SRGAP2C: variants seen among roughly 807,000 people sequenced by gnomAD.
SRGAP2C encodes SLIT-ROBO Rho GTPase activating protein 2C.
A neutral mutation model predicts 25.1 loss-of-function variants in SRGAP2C; 15 were observed. The observed-to-expected ratio is 0.60, with a 90% confidence interval of 0.40 to 0.92. The LOEUF (loss-of-function observed/expected upper bound fraction) is 0.92, where lower values mean the gene tolerates loss of function less well. Ranked by LOEUF, SRGAP2C falls within the 40% of genes least tolerant of loss-of-function variation. The pLI, the probability that SRGAP2C is intolerant of heterozygous loss-of-function variation, is 0.00. For missense variants in SRGAP2C, 144 were observed against 264.4 expected (o/e 0.54, Z 3.16); for synonymous variants, 44 against 96.6 (o/e 0.46, Z 3.19).
chr1:121,203,281 C>CT lies in SRGAP2C; in HGVS notation c.67+15769dup, dbSNP rs587653710. On this transcript the variant is annotated intron_variant, in intron 2 of 9. Coordinates refer to ENST00000367123, the MANE Select transcript of SRGAP2C (RefSeq NM_001329984.2). ...GAAGGCTATGTGGATAAGGAATAGT[C>CT]TAACAGTGAGTAATGCTGATGAGAC... Among the ~76,000 whole-genome samples, 8 of 152,090 alleles carry CT rather than the reference C, an allele frequency of 5.3e-5. No homozygotes were observed. In the East Asian group the frequency reaches 1.6e-3, roughly 29 times the overall value.
At chr1:121,281,308 C>A (rs1393538062) in intron 2 of SRGAP2C, among the ~76,000 whole-genome samples, 1 of 151,700 alleles carries the variant, frequency 6.6e-6, no homozygotes, top group East Asian at 1.9e-4. Flanking sequence ...GCATCTTCTT[C>A]TTTCTGCTTC....
chr1:121,355,244 A>G (rs1187354717), intron 4 of SRGAP2C, among the ~76,000 whole-genome samples: 2 of 150,282 alleles, frequency 1.3e-5, no homozygotes, highest in Non-Finnish European at 3.0e-5. Context: ...AAAATACAAC[A>G]AACTTGACCT....
chr1:121,198,506 A>G (rs1654896773), intron 2 of SRGAP2C, among the ~76,000 whole-genome samples: 2 of 122,358 alleles, frequency 1.6e-5, no homozygotes, highest in Admixed American at 1.7e-4. Flanking sequence ...AGGGCTCCAC[A>G]GGAGGACAAA....
chr1:121,305,030 C>T (rs1657796863), intron 3 of SRGAP2C, among the ~76,000 whole-genome samples: 1 of 151,796 alleles, frequency 6.6e-6, no homozygotes, highest in African/African-American at 2.4e-5. Flanking sequence ...GGACATAGGC[C>T]AGACATGCAC....
chr1:121,323,234 A>G (rs1385974124), intron 3 of SRGAP2C, among the ~76,000 whole-genome samples: 2 of 149,178 alleles, frequency 1.3e-5, no homozygotes, highest in Non-Finnish European at 3.0e-5. Context: ...AAAGAAATCC[A>G]ACTTCCAAAT....
intron 3 of SRGAP2C, among the ~76,000 whole-genome samples, chr1:121,319,612 C>A (rs1483607612): frequency 9.9e-5 from 15 of 151,614 alleles, no homozygotes; most frequent in African/African-American, 3.4e-4. Context: ...GGGCTAATGT[C>A]TTCGAAGCTA....
chr1:121,334,484 GA>G (rs1461248517), intron 4 of SRGAP2C, among the ~76,000 whole-genome samples: 1 of 150,274 alleles, frequency 6.7e-6, no homozygotes, highest in African/African-American at 2.5e-5. Context: ...TTGTTTTAAA[GA>G]GATGGAGTCT....
intron 2 of SRGAP2C, among the ~76,000 whole-genome samples, chr1:121,217,563 CTGT>C (rs1655422273): frequency 6.6e-6 from 1 of 151,204 alleles, no homozygotes; most frequent in East Asian, 1.9e-4. Flanking sequence ...GTGGGATTCT[CTGT>C]ATTTTAAATA....
At chr1:121,278,104 C>T (rs1657149617) in intron 2 of SRGAP2C, among the ~76,000 whole-genome samples, 1 of 151,490 alleles carries the variant, frequency 6.6e-6, no homozygotes, top group Admixed American at 6.6e-5. Context: ...CCTCCCCCCG[C>T]CAGCTAACTT....
intron 5 of SRGAP2C, among the ~76,000 whole-genome samples, chr1:121,367,960 C>A (rs1659377972): frequency 9.5e-6 from 1 of 105,100 alleles, no homozygotes; most frequent in African/African-American, 4.0e-5. Context: ...CCTGTCGTCC[C>A]AGCTACTGGG....
chr1:121,223,061 C>T (rs1454001115), intron 2 of SRGAP2C, among the ~76,000 whole-genome samples: 1 of 152,118 alleles, frequency 6.6e-6, no homozygotes, highest in African/African-American at 2.4e-5. Flanking sequence ...AAGACTTCTT[C>T]TTCCGAAGCA....
intron 2 of SRGAP2C, among the ~76,000 whole-genome samples, chr1:121,188,241 G>A (rs1435145592): frequency 6.6e-6 from 1 of 152,182 alleles, no homozygotes; most frequent in African/African-American, 2.4e-5. Flanking sequence ...GTGGCCCTCT[G>A]CTCCGGAAGA....
chr1:121,385,733 ACTCT>A (rs200381501), intron 8 of SRGAP2C, among the ~76,000 whole-genome samples: 6,706 of 151,932 alleles, frequency 0.044, 496 homozygotes, highest in African/African-American at 0.15. Context: ...CTGCCTCCCA[ACTCT>A]CTCAGCCTTC....
At chr1:121,312,292 G>A (rs1657982487) in intron 3 of SRGAP2C, among the ~76,000 whole-genome samples, 1 of 51,516 alleles carries the variant, frequency 1.9e-5, no homozygotes, top group Non-Finnish European at 4.0e-5. Flanking sequence ...ATTTTTTATT[G>A]TGTCTGTTTG....
intron 3 of SRGAP2C, among the ~76,000 whole-genome samples, chr1:121,309,399 A>G (rs1657927699): frequency 7.0e-6 from 1 of 142,278 alleles, no homozygotes; most frequent in Admixed American, 7.3e-5. Flanking sequence ...TAATATATCT[A>G]GCACTACAAC....
At chr1:121,339,095 G>C (rs1658589454) in intron 4 of SRGAP2C, among the ~76,000 whole-genome samples, 1 of 150,964 alleles carries the variant, frequency 6.6e-6, no homozygotes, top group African/African-American at 2.4e-5. Context: ...TATATATTAA[G>C]CTTAGTGTAA....
At chr1:121,294,811 GCTT>G (rs1657563320) in intron 3 of SRGAP2C, among the ~76,000 whole-genome samples, 2 of 141,606 alleles carry the variant, frequency 1.4e-5, no homozygotes, top group Middle Eastern at 3.6e-3. Context: ...GTTTCTCCCA[GCTT>G]CTTTCTCTCC....
chr1:121,201,643 T>C (rs1654981108), intron 2 of SRGAP2C, among the ~76,000 whole-genome samples: 1 of 152,216 alleles, frequency 6.6e-6, no homozygotes, highest in Non-Finnish European at 1.5e-5. Context: ...AAACTTAATG[T>C]AAAATGATCT....
intron 3 of SRGAP2C, among the ~76,000 whole-genome samples, chr1:121,322,418 CT>C (rs1250012051): frequency 3.8e-5 from 5 of 130,152 alleles, no homozygotes; most frequent in African/African-American, 1.5e-4. Context: ...TTCCAGTTCA[CT>C]TTTTTTTCCC....
Sources: gnomAD v4.1 joint callset for allele counts (sites outside exome capture counted in the v4.1 genomes callset) on GRCh38, gnomAD v4.1.1 for gene constraint, MANE v1.5 for transcripts, NCBI Gene and HGNC (gene_info 2026-07-23, HGNC 2026-07-21) for gene names.